Variants in TENM4 observed in about 807,000 individuals in gnomAD.
The protein encoded by TENM4 is teneurin transmembrane protein 4.
A neutral mutation model predicts 243.3 loss-of-function variants in TENM4; 82 were observed. That is an observed-to-expected ratio of 0.34 (90% CI 0.28 to 0.40). TENM4 has a LOEUF of 0.40. Ranked by LOEUF, TENM4 falls within the 10% of genes least tolerant of loss-of-function variation. TENM4 has a pLI of 1.00. For synonymous variants in TENM4, 1,412 were observed against 1,456.3 expected (o/e 0.97, Z 0.69); for missense variants, 3,138 against 3,673.3 (o/e 0.85, Z 3.77).
chr11:78,895,160 G>A (rs1384417212), intron 7 of TENM4, among the ~76,000 whole-genome samples: 5 of 151,690 alleles, frequency 3.3e-5, no homozygotes, highest in South Asian at 4.2e-4. Flanking sequence ...TGGCTAACAC[G>A]GTGAAACCCT....
At chr11:79,127,652 T>C (rs1173363031) in intron 4 of TENM4, among the ~76,000 whole-genome samples, 1 of 152,222 alleles carries the variant, frequency 6.6e-6, no homozygotes, top group Non-Finnish European at 1.5e-5. Flanking sequence ...GGGGAGACCT[T>C]GATCACTTTT....
intron 3 of TENM4, among the ~76,000 whole-genome samples, chr11:79,208,063 G>A (rs1863884679): frequency 6.6e-6 from 1 of 152,018 alleles, no homozygotes; most frequent in African/African-American, 2.4e-5. Context: ...CTTCTAACAT[G>A]CTTGCCTCTT....
In TENM4 at chr11:79,241,870, G is replaced by T. The variant is rs368730410; in HGVS notation, c.-264-25961C>A. On this transcript the variant is annotated intron_variant, in intron 2 of 33. Transcript: ENST00000278550. ...TGAGCTGGTAAAAAACTAGCAAGGG[G>T]GCGGCAGGACCCTGGAGTCTTATAT... Among the ~76,000 whole-genome samples the T allele has an allele frequency of 3.2e-4, 48 of 152,262 alleles. No homozygotes were observed. In the East Asian group the frequency reaches 4.2e-3, roughly 13 times the overall value.
At chr11:78,786,835 C>T (rs372458567) in intron 16 of TENM4, 63 bp downstream of exon 16, 23 of 1,553,202 alleles carry the variant, frequency 1.5e-5, no homozygotes, top group East Asian at 4.8e-5. Context: ...CCCTGAAATG[C>T]CCCAACAGAC....
intron 3 of TENM4, among the ~76,000 whole-genome samples, chr11:79,149,023 A>G (rs987969310): frequency 3.3e-5 from 5 of 152,188 alleles, no homozygotes; most frequent in African/African-American, 7.2e-5. Flanking sequence ...TGCCTGGCAC[A>G]TGGCAAATGC....
chr11:78,929,197 G>A (rs999748269), intron 6 of TENM4, among the ~76,000 whole-genome samples: 3 of 152,166 alleles, frequency 2.0e-5, no homozygotes, highest in African/African-American at 7.2e-5. Flanking sequence ...AGATCACCTT[G>A]CCTTCTGCTA....
At chr11:78,789,676 A>G (rs1210682458) in intron 15 of TENM4, among the ~76,000 whole-genome samples, 2 of 152,176 alleles carry the variant, frequency 1.3e-5, no homozygotes, top group African/African-American at 4.8e-5. Context: ...CTGAGGTGTG[A>G]GCCAGGAGAG....
At chr11:78,732,608 G>A (rs377498276) in intron 20 of TENM4, 31 bp from the exon 21 acceptor site, 19 of 1,563,968 alleles carry the variant, frequency 1.2e-5, no homozygotes, top group Middle Eastern at 2.0e-4. Context: ...GAGAAGGGGC[G>A]GGGAGCAGGA....
At chr11:79,019,394 G>A (rs1208537578) in intron 6 of TENM4, among the ~76,000 whole-genome samples, 1 of 152,112 alleles carries the variant, frequency 6.6e-6, no homozygotes, top group Non-Finnish European at 1.5e-5. Context: ...GAGTAGAAGA[G>A]CCCATCCTCT....
intron 2 of TENM4, among the ~76,000 whole-genome samples, chr11:79,218,643 C>T (rs1261153716): frequency 2.0e-5 from 3 of 152,160 alleles, no homozygotes; most frequent in Admixed American, 6.5e-5. Context: ...CTTCTGCCCT[C>T]ATCCTTGCCA....
chr11:79,178,476 G>C (rs932908109), intron 3 of TENM4, among the ~76,000 whole-genome samples: 1 of 152,206 alleles, frequency 6.6e-6, no homozygotes, highest in East Asian at 1.9e-4. Context: ...CAGTGAAAGA[G>C]GTGGAAGAAG....
At chr11:78,892,563 C>A (rs1855693409) in intron 7 of TENM4, among the ~76,000 whole-genome samples, 2 of 152,208 alleles carry the variant, frequency 1.3e-5, no homozygotes, top group South Asian at 4.2e-4. Context: ...ACTGAGCTCA[C>A]AAGGTTGTTA....
At chr11:79,066,460 TC>T (rs34349945) in intron 5 of TENM4, among the ~76,000 whole-genome samples, 44,962 of 152,098 alleles carry the variant, frequency 0.3, 7,046 homozygotes, top group Non-Finnish European at 0.36. Context: ...AAACTTGTGC[TC>T]CCCTGGTGTG....
At chr11:78,710,646 G>A (rs1341602501) in intron 26 of TENM4, among the ~76,000 whole-genome samples, 1 of 152,226 alleles carries the variant, frequency 6.6e-6, no homozygotes, top group African/African-American at 2.4e-5. Flanking sequence ...TGTTTACAGA[G>A]TTGGCTGCAC....
At chr11:78,861,107 C>G (rs1363735368) in intron 10 of TENM4, among the ~76,000 whole-genome samples, 1 of 152,206 alleles carries the variant, frequency 6.6e-6, no homozygotes, top group Non-Finnish European at 1.5e-5. Context: ...TTTGTACATG[C>G]TGATCTAAAG....
At chr11:79,040,572 G>A (rs917860914) in intron 6 of TENM4, among the ~76,000 whole-genome samples, 1 of 152,140 alleles carries the variant, frequency 6.6e-6, no homozygotes, top group Non-Finnish European at 1.5e-5. Context: ...AAATCCATAT[G>A]GAGTGGAGAG....
At chr11:78,720,186 G>A (rs1859611912) in intron 25 of TENM4, among the ~76,000 whole-genome samples, 184 bp downstream of exon 25, 1 of 152,140 alleles carries the variant, frequency 6.6e-6, no homozygotes, top group African/African-American at 2.4e-5. Context: ...AAGGAGTTCA[G>A]GCTCCTGCCA....
intron 2 of TENM4, among the ~76,000 whole-genome samples, chr11:79,268,825 G>C (rs1855922452): frequency 6.6e-6 from 1 of 152,180 alleles, no homozygotes; most frequent in South Asian, 2.1e-4. Context: ...TGTCCACCAA[G>C]CATAGTGCTG....
intron 1 of TENM4, among the ~76,000 whole-genome samples, chr11:79,337,835 G>A (rs1857172493): frequency 6.6e-6 from 1 of 152,202 alleles, no homozygotes. Flanking sequence ...CCTTGCCAAG[G>A]ACAGGGGCAA....
Sources: gnomAD v4.1 joint callset for allele counts (sites outside exome capture counted in the v4.1 genomes callset) on GRCh38, gnomAD v4.1.1 for gene constraint, MANE v1.5 for transcripts, NCBI Gene and HGNC (gene_info 2026-07-23, HGNC 2026-07-21) for gene names.